EDIL3: variants seen among roughly 807,000 people sequenced by gnomAD.
The protein encoded by EDIL3 is EGF-like repeat and discoidin I-like domain-containing protein 3.
A neutral mutation model predicts 67.4 loss-of-function variants in EDIL3; 37 were observed. The observed-to-expected ratio is 0.55, with a 90% CI of 0.42 to 0.72. The LOEUF is 0.72. Among genes scored for constraint, EDIL3 ranks in the 30% least tolerant of loss-of-function variants. The pLI, the probability that EDIL3 is intolerant of heterozygous loss-of-function variation, is 0.00. For missense variants in EDIL3, 527 were observed against 586.3 expected, an observed-to-expected ratio of 0.90 and a Z score of 1.04; for synonymous variants, 195 against 196.3, an observed-to-expected ratio of 0.99 and a Z score of 0.05.
chr5:84,169,430 G>A (rs1260742096), intron 4 of EDIL3, among the ~76,000 whole-genome samples: 1 of 151,772 alleles, frequency 6.6e-6, no homozygotes, highest in East Asian at 1.9e-4. Context: ...TATGTAATTA[G>A]GCTCTATAGA....
chr5:84,247,693 T>A (rs1744935521), intron 2 of EDIL3, among the ~76,000 whole-genome samples: 1 of 152,066 alleles, frequency 6.6e-6, no homozygotes, highest in East Asian at 1.9e-4. Flanking sequence ...CTATGGAATA[T>A]GATAGGTAAA....
At chr5:84,250,078 G>C (rs1744994158) in intron 2 of EDIL3, among the ~76,000 whole-genome samples, 1 of 152,232 alleles carries the variant, frequency 6.6e-6, no homozygotes, top group Non-Finnish European at 1.5e-5. Flanking sequence ...CCACATGGTG[G>C]TCTGTCCACA....
At chr5:84,289,409 TGAG>T (rs1198586720) in intron 1 of EDIL3, among the ~76,000 whole-genome samples, 3 of 152,190 alleles carry the variant, frequency 2.0e-5, no homozygotes, top group African/African-American at 4.8e-5. Context: ...AGCTCCTCCA[TGAG>T]GAGAGATTTT....
chr5:84,086,089 GTT>G (rs1747064210), intron 6 of EDIL3, among the ~76,000 whole-genome samples: 7 of 152,232 alleles, frequency 4.6e-5, no homozygotes, highest in Non-Finnish European at 7.3e-5. Flanking sequence ...TTCTCAGCTT[GTT>G]GGGCTCCATG....
intron 1 of EDIL3, among the ~76,000 whole-genome samples, chr5:84,303,553 C>G (rs1042807899): frequency 6.6e-6 from 1 of 152,070 alleles, no homozygotes; most frequent in Non-Finnish European, 1.5e-5. Flanking sequence ...TGATTTCACG[C>G]GTACTAGTCT....
chr5:84,231,652 C>CT (rs1348730887), intron 2 of EDIL3, among the ~76,000 whole-genome samples: 4 of 152,130 alleles, frequency 2.6e-5, no homozygotes, highest in Non-Finnish European at 5.9e-5. Context: ...GGCTCGCCTC[C>CT]TTGGCACATA....
At chr5:84,334,316 G>A (rs1466828917) in intron 1 of EDIL3, among the ~76,000 whole-genome samples, 2 of 151,956 alleles carry the variant, frequency 1.3e-5, no homozygotes, top group South Asian at 2.1e-4. Flanking sequence ...CACCCACCTC[G>A]GCCCCCCAAA....
rs1748182411 is a variant in EDIL3, at chr5:84,384,507, G to C, written c.-133C>G. ...TTCAAGAAGACGTTCTCTTTCCTCA[G>C]CGCTTTGTTAAACAAATTCTTGGAG... On this transcript the variant is annotated 5_prime_UTR_variant, in exon 1 of 11. Coordinates refer to ENST00000296591, the MANE Select transcript of EDIL3 (RefSeq NM_005711.5). 1.7e-5 allele frequency: 14 copies of C among 825,786 alleles called. No individual in the cohort carries two copies. Among genetic ancestry groups the C allele is most frequent in the Non-Finnish European group, 1.5e-5 (8 of 527,790 alleles). The allele number at this position is 825,786 out of a possible 1,614,324, so 51.2% of individuals were successfully genotyped here.
chr5:84,039,682 T>A (rs951796794), intron 9 of EDIL3, among the ~76,000 whole-genome samples: 1 of 152,064 alleles, frequency 6.6e-6, no homozygotes, highest in Non-Finnish European at 1.5e-5. Context: ...TTTGGCAAAA[T>A]AAAACAAGAA....
chr5:84,318,462 T>G (rs1388934163), intron 1 of EDIL3, among the ~76,000 whole-genome samples: 1 of 152,050 alleles, frequency 6.6e-6, no homozygotes, highest in Non-Finnish European at 1.5e-5. Context: ...AACAGATATA[T>G]AGACCAATGG....
At chr5:84,158,159 G>A (rs1748527912) in intron 4 of EDIL3, among the ~76,000 whole-genome samples, 1 of 151,974 alleles carries the variant, frequency 6.6e-6, no homozygotes, top group Admixed American at 6.6e-5. Flanking sequence ...CATCTGACTG[G>A]TTTATAAATC....
intron 8 of EDIL3, among the ~76,000 whole-genome samples, chr5:84,062,604 C>T (rs1381632816): frequency 6.6e-6 from 1 of 151,988 alleles, no homozygotes; most frequent in Non-Finnish European, 1.5e-5. Context: ...CTATTTTATT[C>T]CAAATATCTT....
intron 3 of EDIL3, among the ~76,000 whole-genome samples, chr5:84,229,588 T>G (rs933649164): frequency 6.6e-6 from 1 of 152,206 alleles, no homozygotes; most frequent in Non-Finnish European, 1.5e-5. Flanking sequence ...TTTTCCTTAT[T>G]CTTTAATGTC....
chr5:84,209,908 T>C (rs1410813978), intron 3 of EDIL3, among the ~76,000 whole-genome samples: 1 of 152,234 alleles, frequency 6.6e-6, no homozygotes, highest in Non-Finnish European at 1.5e-5. Flanking sequence ...GGGTCATTTC[T>C]ATATCACACT....
At chr5:83,986,482 C>A (rs1009351531) in intron 9 of EDIL3, among the ~76,000 whole-genome samples, 1 of 152,100 alleles carries the variant, frequency 6.6e-6, no homozygotes, top group Non-Finnish European at 1.5e-5. Flanking sequence ...AATCTTGGCA[C>A]TTCATTATGC....
At chr5:84,173,724 T>C (rs1357936104) in intron 4 of EDIL3, among the ~76,000 whole-genome samples, 1 of 152,128 alleles carries the variant, frequency 6.6e-6, no homozygotes, top group East Asian at 1.9e-4. Context: ...GTGCCAGTAA[T>C]GGAGACGGGG....
At chr5:84,206,576 A>T (rs1029793654) in intron 3 of EDIL3, among the ~76,000 whole-genome samples, 2 of 152,146 alleles carry the variant, frequency 1.3e-5, no homozygotes, top group Non-Finnish European at 2.9e-5. Context: ...TACCAAAGCC[A>T]GGCAGAGACA....
chr5:84,315,252 CA>C (rs1414599201), intron 1 of EDIL3, among the ~76,000 whole-genome samples: 1 of 152,168 alleles, frequency 6.6e-6, no homozygotes, highest in African/African-American at 2.4e-5. Flanking sequence ...TAAGCTACCT[CA>C]AAGCTCCTAT....
At chr5:84,298,022 C>T (rs951125015) in intron 1 of EDIL3, among the ~76,000 whole-genome samples, 3 of 152,174 alleles carry the variant, frequency 2.0e-5, no homozygotes, top group Non-Finnish European at 2.9e-5. Context: ...GGACCCCAGA[C>T]ATGTTCCAAG....
Sources: gnomAD v4.1 joint callset for allele counts (sites outside exome capture counted in the v4.1 genomes callset) on GRCh38, gnomAD v4.1.1 for gene constraint, MANE v1.5 for transcripts, NCBI Gene and HGNC (gene_info 2026-07-23, HGNC 2026-07-21) for gene names.